ZNF688: variants seen among roughly 807,000 people sequenced by gnomAD.
ZNF688 encodes zinc finger protein 688.
Under a neutral mutation model 13.2 loss-of-function variants are expected in ZNF688, and 10 were observed. That is an observed-to-expected ratio of 0.76 (90% CI 0.47 to 1.28). The LOEUF (loss-of-function observed/expected upper bound fraction) is 1.28, where lower values mean the gene tolerates loss of function less well. ZNF688 is among the 50% of genes most tolerant of loss of function. ZNF688 has a pLI of 0.00. For synonymous variants in ZNF688, 160 were observed against 159.4 expected (o/e 1.00, Z -0.03); for missense variants, 381 against 391.4 (o/e 0.97, Z 0.22).
chr16:30,571,656 C>T lies in ZNF688; in HGVS notation c.-27G>A. The T allele has an allele frequency of 2.2e-6, 3 of 1,370,170 alleles. No homozygotes were observed. Among genetic ancestry groups the T allele is most frequent in the Non-Finnish European group, 2.8e-6 (3 of 1,064,624 alleles). 84.9% of individuals were successfully genotyped at this position (1,370,170 alleles called of 1,614,324 possible). On this transcript the variant is annotated 5_prime_UTR_variant, in exon 1 of 3. Coordinates refer to ENST00000223459, the MANE Select transcript of ZNF688 (RefSeq NM_145271.4). The stretch of plus-strand genomic sequence containing the variant: ...GGGCCTCGCAGCCCCGATCGGCGGC[C>T]GCCAGGTCCCTGGAGCCGCCGCCTC...
chr16:30,572,346 TC>T, upstream of ZNF688: 1 of 1,391,782 alleles, frequency 7.2e-7, no homozygotes, highest in Non-Finnish European at 9.4e-7. Context: ...TGGAATTTGG[TC>T]CCCAGACCCC....
At chr16:30,576,957 G>A (rs907482293), upstream of ZNF688, among the ~76,000 whole-genome samples, 1 of 151,334 alleles carries the variant, frequency 6.6e-6, no homozygotes, top group African/African-American at 2.4e-5. Flanking sequence ...GTAGAGATGG[G>A]GTCTCTCCAT....
chr16:30,570,751 T>TTATG (rs887256673), intron 2 of ZNF688: 1 of 317,114 alleles, frequency 3.2e-6, no homozygotes, highest in Non-Finnish European at 5.6e-6. Context: ...ATTTATTTAT[T>TTATG]TATTTATTTA....
In ZNF688 at chr16:30,571,578, G is replaced by A. The variant is rs2051685165; in HGVS notation, c.52C>T (p.Pro18Ser). 2 of 1,560,474 alleles carry A rather than the reference G, an allele frequency of 1.3e-6. No individual in the cohort carries two copies. The highest frequency in any genetic ancestry group is 1.4e-5 in the African/African-American group (1 of 72,894). The change falls in exon 1 of 3, where the codon CCT becomes TCT. Residue 18 changes from proline (P) to serine (S), a missense_variant. Physicochemically the swap from Pro to Ser is moderately conservative, Grantham distance 74. Transcript: ENST00000223459. ...ACAGTCCCGGGCTTCCTGCAACCAG[G>A]CCGGGTCTCCCCGGGCCTCGGCGCC... is the stretch of plus-strand genomic sequence containing the variant. ...LLAPRPGETR[P>S]GCRKPGTVSF...
upstream of ZNF688, among the ~76,000 whole-genome samples, chr16:30,576,179 C>A (rs1276558949): frequency 6.6e-6 from 1 of 152,194 alleles, no homozygotes; most frequent in African/African-American, 2.4e-5. Context: ...TCCTGAGTAG[C>A]TGGGATTACA....
chr16:30,577,526 C>T (rs1004253334), upstream of ZNF688, among the ~76,000 whole-genome samples: 6 of 151,444 alleles, frequency 4.0e-5, no homozygotes, highest in Non-Finnish European at 5.9e-5. Flanking sequence ...ATTACAGGCA[C>T]GCATCACCAC....
At chr16:30,570,812 T>C (rs2051664589) in intron 2 of ZNF688, 198 bp downstream of exon 2, 1 of 564,290 alleles carries the variant, frequency 1.8e-6, no homozygotes, top group Non-Finnish European at 3.2e-6. Flanking sequence ...GAGTGCCTGG[T>C]TGGACTGGGC....
rs2051642123 is a variant in ZNF688 at position 30,569,853 on chromosome 16, C to A, written c.*63G>T. ...TTCCGGAGTCCCCGACTCAGTGGCC[C>A]ACCTCAGGGATCCGTCAGTCCTTCG... On this transcript the variant is annotated 3_prime_UTR_variant, in exon 3 of 3. Transcript: ENST00000223459. 1 of 1,486,528 alleles carries A rather than the reference C, an allele frequency of 6.7e-7. No homozygotes were observed. Among genetic ancestry groups the A allele is most frequent in the South Asian group, 1.4e-5 (1 of 71,616 alleles). The allele number at this position is 1,486,528 out of a possible 1,614,324, so 92.1% of individuals were successfully genotyped here.
At chr16:30,570,920 A>T in intron 2 of ZNF688, 90 bp downstream of exon 2, 2 of 1,334,592 alleles carry the variant, frequency 1.5e-6, no homozygotes, top group Non-Finnish European at 2.1e-6. Flanking sequence ...GAATTTCTTT[A>T]GGGATGCTGG....
In ZNF688 at chr16:30,570,218, G is replaced by A. The variant is rs752594841; in HGVS notation, c.529C>T (p.Gln177Ter). Residue 177 changes from glutamine to a stop codon, truncating the protein, a stop_gained, in exon 3 of 3, where the codon CAG becomes TAG. Transcript: ENST00000223459. LOFTEE classifies it low-confidence loss of function (END_TRUNC). ...PPAPIPSMDA[Q>*]AGQRRHVCTD... ...CACACGTGGCGCCGCTGGCCGGCCT[G>A]AGCATCCATGCTGGGTATGGGTGCC... 3 of 1,612,928 alleles carry A rather than the reference G, an allele frequency of 1.9e-6. No individual in the cohort carries two copies. Among genetic ancestry groups the A allele is most frequent in the Non-Finnish European group, 2.5e-6 (3 of 1,179,702 alleles).
chr16:30,571,379 C>A, intron 1 of ZNF688, 55 bp downstream of exon 1: 1 of 1,540,144 alleles, frequency 6.5e-7, no homozygotes, highest in South Asian at 1.2e-5. Context: ...CCTTCTACAT[C>A]ATCTCCCCTG....
rs1287324801 is a variant in ZNF688, at chr16:30,571,076, T to C, written c.244A>G (p.Ser82Gly). 1 of 1,602,296 alleles carries C rather than the reference T, an allele frequency of 6.2e-7. No individual in the cohort carries two copies. Among genetic ancestry groups the C allele is most frequent in the Admixed American group, 1.8e-5 (1 of 55,988 alleles). The stretch of plus-strand genomic sequence containing the variant: ...TGGGCGGCGGGGCTCCAAGCCTCAC[T>C]CTCCTGTTCCATCCAAGAGATGAGG... ...PALISWMEQESEAWSPAAQDP... is the reference protein window; with the variant it reads ...PALISWMEQEGEAWSPAAQDP... The change falls in exon 2 of 3, where the codon AGT (serine) becomes GGT (glycine). Residue 82 changes from serine to glycine, a missense_variant. Ser to Gly is a moderately conservative substitution (Grantham distance 56). Transcript: ENST00000223459.
chr16:30,571,372 T>A, intron 1 of ZNF688, 62 bp downstream of exon 1: 1 of 1,538,360 alleles, frequency 6.5e-7, no homozygotes, highest in Admixed American at 2.0e-5. Context: ...TCTCGGCCCT[T>A]CTACATCATC....
In ZNF688 at chr16:30,569,849, G is replaced by A; in HGVS notation, c.*67C>T. On this transcript the variant is annotated 3_prime_UTR_variant, in exon 3 of 3. Transcript: ENST00000223459. ...TCAGTTCCGGAGTCCCCGACTCAGT[G>A]GCCCACCTCAGGGATCCGTCAGTCC... 6.7e-7 allele frequency: 1 copy of A among 1,483,546 alleles called. No individual in the cohort carries two copies. The highest frequency in any genetic ancestry group is 9.0e-7 in the Non-Finnish European group (1 of 1,117,156). 91.9% of individuals were successfully genotyped at this position (1,483,546 alleles called of 1,614,324 possible).
At position 30,571,460 on chromosome 16, in the gene ZNF688, T is replaced by G; in HGVS notation, c.170A>C (p.Glu57Ala). The change falls in exon 1 of 3, where the codon GAG becomes GCG. Residue 57 changes from glutamate (E) to alanine (A), a missense_variant. Physicochemically the swap from Glu to Ala is moderately radical, Grantham distance 107 (BLOSUM62 -1). Coordinates refer to ENST00000223459, the MANE Select transcript of ZNF688 (RefSeq NM_145271.4). ...QRALYRDVMQ[E>A]TYGHLGALGF... ...GAGCGCGCCCAGGTGGCCGTAGGTCTCCTGCATCACGTCCCGGTACAGAGC... is the reference window on the plus strand; with the variant it reads ...GAGCGCGCCCAGGTGGCCGTAGGTCGCCTGCATCACGTCCCGGTACAGAGC... 1 of 1,583,492 alleles carries G rather than the reference T, an allele frequency of 6.3e-7. No homozygotes were observed. The highest frequency in any genetic ancestry group is 8.6e-7 in the Non-Finnish European group (1 of 1,166,048).
At chr16:30,574,566 A>C (rs926384903), upstream of ZNF688, among the ~76,000 whole-genome samples, 1 of 152,010 alleles carries the variant, frequency 6.6e-6, no homozygotes, top group African/African-American at 2.4e-5. Context: ...AAACAAACAA[A>C]ACAAAAAATA....
upstream of ZNF688, among the ~76,000 whole-genome samples, chr16:30,574,906 C>T (rs375196820): frequency 1.3e-5 from 2 of 152,184 alleles, no homozygotes; most frequent in African/African-American, 4.8e-5. Context: ...TCATTCTACT[C>T]TCTACCTCCA....
upstream of ZNF688, among the ~76,000 whole-genome samples, chr16:30,575,374 G>A (rs1343481263): frequency 6.6e-6 from 1 of 151,830 alleles, no homozygotes; most frequent in Admixed American, 6.6e-5. Context: ...AGCCTCACAA[G>A]TAGCTGGGAT....
upstream of ZNF688, among the ~76,000 whole-genome samples, chr16:30,575,903 A>T (rs1165175615): frequency 6.7e-6 from 1 of 150,020 alleles, no homozygotes; most frequent in African/African-American, 2.5e-5. Flanking sequence ...TGATCCACCC[A>T]CCTCAGCCTC....
Sources: allele counts gnomAD v4.1 joint callset (sites outside exome capture counted in the v4.1 genomes callset), GRCh38; gene constraint gnomAD v4.1.1; transcripts MANE v1.5; gene names NCBI Gene and HGNC (gene_info 2026-07-23, HGNC 2026-07-21).